Variants in AWAT1 observed in about 807,000 individuals in gnomAD.
AWAT1 encodes the protein acyl-CoA wax alcohol acyltransferase 1.
AWAT1 carries 26 observed loss-of-function variants against 21.6 expected under a neutral mutation model. The observed-to-expected ratio is 1.20, with a 90% confidence interval of 0.88 to 1.67. The LOEUF (loss-of-function observed/expected upper bound fraction) is 1.67. Ranked by LOEUF, AWAT1 falls within the 40% of genes most tolerant of loss-of-function variation. The pLI, the probability that AWAT1 is intolerant of heterozygous loss-of-function variation, is 0.00. For synonymous variants in AWAT1, 102 were observed against 99.3 expected (o/e 1.03, Z -0.16); for missense variants, 264 against 249.4 (o/e 1.06, Z -0.39).
chrX:70,235,811 AC>A lies in AWAT1; in HGVS notation c.176del (p.Pro59GlnfsTer11). ...YFAWLFLDWK[T>X]PERGGRRSAW... ...TGCCTGGTTGTTCCTGGACTGGAAG[AC>A]CCCAGAGCGAGGTAAGACTCACAGA... On this transcript the variant is annotated frameshift_variant, in exon 2 of 7. Coordinates refer to ENST00000374521, the MANE Select transcript of AWAT1 (RefSeq NM_001013579.3). LOFTEE classifies it high-confidence loss of function. 1 of 1,203,473 alleles carries A rather than the reference AC, an allele frequency of 8.3e-7. No homozygotes were observed.
Position 70,237,217 on chromosome X carries a change from C to G in AWAT1, c.429C>G (p.Ile143Met). ...CCACGCTGTCCTGGTTCTTCAAGATCCCCTTTGTTAGGGAGTACCTCATGG... is the reference window on the plus strand; with the variant it reads ...CCACGCTGTCCTGGTTCTTCAAGATGCCCTTTGTTAGGGAGTACCTCATGG... The part of the protein sequence containing the change: ...HLATLSWFFK[I>M]PFVREYLMAK... Residue 143 changes from isoleucine to methionine, a missense_variant, in exon 4 of 7, where the codon ATC becomes ATG. By Grantham distance (10) the Ile-to-Met change is conservative. Transcript: ENST00000374521. 1 of 1,208,794 alleles carries G rather than the reference C, an allele frequency of 8.3e-7. No homozygotes were observed. Among genetic ancestry groups the G allele is most frequent in the South Asian group, 1.8e-5 (1 of 56,179 alleles).
chrX:70,235,069 G>A (rs920170892), intron 1 of AWAT1, among the ~76,000 whole-genome samples: 4 of 110,951 alleles, frequency 3.6e-5, no homozygotes, highest in East Asian at 2.8e-4. Flanking sequence ...ACTATCTAGA[G>A]AGGAAAAGTG....
At chrX:70,235,947 C>T (rs955323335) in intron 2 of AWAT1, 122 bp from the exon 3 acceptor site, 2 of 905,421 alleles carry the variant, frequency 2.2e-6, no homozygotes, top group African/African-American at 3.9e-5. Flanking sequence ...CCAAACAGGA[C>T]CATCCTAGGG....
Position 70,236,139 on chromosome X carries a change from G to A in AWAT1, c.255G>A (p.Thr85=), listed in dbSNP as rs372091173. ...WTHIRDYFPI[T]ILKTKDLSPE... ...ACATCAGGGACTATTTCCCCATTAC[G>A]GTAAGTATCTCTTCCCCAGTGTCCT... Residue 85 remains threonine, a splice_region_variant and synonymous_variant, in exon 3 of 7, where the codon ACG becomes ACA. Coordinates refer to ENST00000374521, the MANE Select transcript of AWAT1 (RefSeq NM_001013579.3). 5.0e-5 allele frequency: 60 copies of A among 1,202,621 alleles called. No homozygotes were observed. In the African/African-American group the frequency reaches 6.8e-4, roughly 14 times the overall value.
intron 2 of AWAT1, 58 bp downstream of exon 2, chrX:70,235,881 C>T: frequency 9.4e-7 from 1 of 1,060,067 alleles, no homozygotes; most frequent in Non-Finnish European, 1.3e-6. Context: ...GCCAGAGAGT[C>T]CCACTCGCCA....
Position 70,239,898 on chromosome X carries a change from G to A in AWAT1, c.796G>A (p.Gly266Arg), listed in dbSNP as rs139503903. The A allele has an allele frequency of 4.7e-4, 565 of 1,208,461 alleles. No individual in the cohort carries two copies. Among genetic ancestry groups the A allele is most frequent in the Non-Finnish European group, 5.7e-4 (508 of 894,661 alleles). Residue 266 changes from glycine to arginine, a missense_variant, in exon 6 of 7, where the codon GGG (glycine) becomes AGG (arginine). Transcript: ENST00000374521. ...YGQSFCQGST[G>R]LLPYSRPIVT... Reference sequence around the variant, plus strand: ...ACAAAGCTTCTGTCAAGGCTCCACTGGGCTCCTGCCATACTCCAGGCCTAT... The same window carrying A: ...ACAAAGCTTCTGTCAAGGCTCCACTAGGCTCCTGCCATACTCCAGGCCTAT...
In AWAT1 at chrX:70,240,383, G is replaced by C. The variant is rs1361850131; in HGVS notation, c.*93G>C. The C allele has an allele frequency of 4.2e-6, 4 of 950,669 alleles. No homozygotes were observed. Among genetic ancestry groups the C allele is most frequent in the Non-Finnish European group, 5.8e-6 (4 of 687,070 alleles). The allele number at this position is 950,669 out of a possible 1,213,427, so 78.3% of individuals were successfully genotyped here. A position where few individuals can be genotyped will look rare whatever the true frequency, so the allele number is the denominator to read the frequency against. Reference sequence around the variant, plus strand: ...CCAAAGACAGGCAGGAGATGAGGGAGGTTATATGTGGTAGGGGAGGGCATG... The same window carrying C: ...CCAAAGACAGGCAGGAGATGAGGGACGTTATATGTGGTAGGGGAGGGCATG... On this transcript the variant is annotated 3_prime_UTR_variant, in exon 7 of 7. Coordinates refer to ENST00000374521, the MANE Select transcript of AWAT1 (RefSeq NM_001013579.3).
intron 3 of AWAT1, 137 bp from the exon 4 acceptor site, chrX:70,236,907 C>T (rs1484274348): frequency 5.5e-6 from 3 of 542,742 alleles, no homozygotes; most frequent in Middle Eastern, 3.8e-4. Flanking sequence ...AATATCTCAG[C>T]CCTCCTGAAA....
Position 70,240,212 on chromosome X carries a change from G to C in AWAT1, c.909G>C (p.Met303Ile). ...TGGACAAATACCATGCACTTTATAT[G>C]GATGCTCTGCACAAACTGTTCGACC... The part of the protein sequence containing the change: ...EMVDKYHALY[M>I]DALHKLFDQH... The change falls in exon 7 of 7, where the codon ATG becomes ATC. Residue 303 changes from methionine (M) to isoleucine (I), a missense_variant. By Grantham distance (10) the Met-to-Ile change is conservative. Coordinates refer to ENST00000374521, the MANE Select transcript of AWAT1 (RefSeq NM_001013579.3). 8.3e-7 allele frequency: 1 copy of C among 1,211,245 alleles called. No homozygotes were observed. Among genetic ancestry groups the C allele is most frequent in the Non-Finnish European group, 1.1e-6 (1 of 895,040 alleles).
rs200977849 is a variant in AWAT1, at chrX:70,236,081, C to G, written c.197C>G (p.Ser66Trp). 8 of 1,208,350 alleles carry G rather than the reference C, an allele frequency of 6.6e-6. No homozygotes were observed. The highest frequency in any genetic ancestry group is 8.9e-6 in the Non-Finnish European group (8 of 893,898). ...WKTPERGGRR[S>W]AWVRNWCVWT... The stretch of plus-strand genomic sequence containing the variant: ...TCTTTTGCCTCAGGTGGCAGGCGTT[C>G]GGCCTGGGTAAGGAACTGGTGTGTC... The change falls in exon 3 of 7, where the codon TCG (serine) becomes TGG (tryptophan). Residue 66 changes from serine (S) to tryptophan (W), a missense_variant. By Grantham distance (177) the Ser-to-Trp change is radical. Coordinates refer to ENST00000374521, the MANE Select transcript of AWAT1 (RefSeq NM_001013579.3).
rs1339800160 is a variant in AWAT1 at position 70,239,804 on chromosome X, T to G, written c.702T>G (p.Asp234Glu). ...EVYDQVLFHKDSRMYKFQSCF... is the reference protein window; with the variant it reads ...EVYDQVLFHKESRMYKFQSCF... ...ATGATCAGGTGCTGTTCCATAAGGA[T>G]AGCAGGATGTACAAGTTCCAGAGCT... is the stretch of plus-strand genomic sequence containing the variant. The change falls in exon 6 of 7, where the codon GAT becomes GAG. Residue 234 changes from aspartate (D) to glutamate (E), a missense_variant. Transcript: ENST00000374521. 3 of 1,209,872 alleles carry G rather than the reference T, an allele frequency of 2.5e-6. No homozygotes were observed. Among genetic ancestry groups the G allele is most frequent in the African/African-American group, 1.7e-5 (1 of 57,702 alleles).
chrX:70,237,587 T>C (rs1225183406), intron 4 of AWAT1, among the ~76,000 whole-genome samples: 3 of 109,298 alleles, frequency 2.7e-5, no homozygotes, highest in Non-Finnish European at 5.7e-5. Context: ...ATCCCAGCAC[T>C]TTGGGAGGCT....
rs967025948 is a variant in AWAT1, at chrX:70,240,584, C to T, written c.*294C>T. On this transcript the variant is annotated 3_prime_UTR_variant, in exon 7 of 7. Transcript: ENST00000374521. ...TAGCAGTCACTGCATATTCCCCCAG[C>T]CCCTGGGCAACTATCTACTTTCTGT... 1 of 270,483 alleles carries T rather than the reference C, an allele frequency of 3.7e-6. No homozygotes were observed. The highest frequency in any genetic ancestry group is 6.6e-6 in the Non-Finnish European group (1 of 151,912). 22.3% of individuals were successfully genotyped at this position (270,483 alleles called of 1,213,427 possible). A position where few individuals can be genotyped will look rare whatever the true frequency, so the allele number is the denominator to read the frequency against.
chrX:70,236,853 A>G (rs73634826), intron 3 of AWAT1, among the ~76,000 whole-genome samples, 191 bp from the exon 4 acceptor site: 2,943 of 111,724 alleles, frequency 0.026, 105 homozygotes, highest in African/African-American at 0.092. Context: ...TGGCAGTTCT[A>G]GCTGTCCCAG....
At chrX:70,236,764 T>C (rs2085516128) in intron 3 of AWAT1, among the ~76,000 whole-genome samples, 1 of 111,670 alleles carries the variant, frequency 9.0e-6, no homozygotes. Context: ...TTCACAAAAG[T>C]GCTCATAGAC....
chrX:70,238,783 C>G (rs1241966884), intron 5 of AWAT1, among the ~76,000 whole-genome samples: 1 of 112,420 alleles, frequency 8.9e-6, no homozygotes, highest in South Asian at 3.7e-4. Context: ...CTTAACCATT[C>G]TGAGCCTTGG....
At chrX:70,237,831 C>CAAAAAAAAAAA (rs34212707) in intron 4 of AWAT1, among the ~76,000 whole-genome samples, 1 of 19,376 alleles carries the variant, frequency 5.2e-5, no homozygotes. Flanking sequence ...AACTCTGTCT[C>CAAAAAAAAAAA]AAAAAAAAAA....
intron 5 of AWAT1, among the ~76,000 whole-genome samples, chrX:70,238,735 A>C (rs2085525942): frequency 8.9e-6 from 1 of 112,206 alleles, no homozygotes; most frequent in African/African-American, 3.2e-5. Context: ...CCTGATTTAA[A>C]ATCCTGGCTC....
intron 1 of AWAT1, 84 bp downstream of exon 1, chrX:70,234,855 A>G: frequency 1.1e-6 from 1 of 880,143 alleles, no homozygotes; most frequent in Non-Finnish European, 1.6e-6. Context: ...GGGCCATGTG[A>G]AGTCTCATTT....
Sources: gnomAD v4.1 joint callset for allele counts (sites outside exome capture counted in the v4.1 genomes callset) on GRCh38, gnomAD v4.1.1 for gene constraint, MANE v1.5 for transcripts, NCBI Gene and HGNC (gene_info 2026-07-23, HGNC 2026-07-21) for gene names.